Variants in LRPPRC observed in about 807,000 individuals in gnomAD.
LRPPRC encodes the protein leucine-rich PPR motif-containing protein, mitochondrial.
LRPPRC carries 120 observed loss-of-function variants against 180.3 expected under a neutral mutation model. The observed-to-expected ratio is 0.67, with a 90% CI of 0.57 to 0.77. LRPPRC has a LOEUF of 0.77. Ranked by LOEUF, LRPPRC falls within the 30% of genes least tolerant of loss-of-function variation. The pLI is 0.00. For synonymous variants in LRPPRC, 723 were observed against 600.0 expected, an observed-to-expected ratio of 1.21 and a Z score of -3.00; for missense variants, 2,012 against 1,657.2, an observed-to-expected ratio of 1.21 and a Z score of -3.72.
intron 27 of LRPPRC, among the ~76,000 whole-genome samples, chr2:43,918,615 G>C (rs917736691): frequency 6.6e-6 from 1 of 151,688 alleles, no homozygotes; most frequent in African/African-American, 2.4e-5. Flanking sequence ...CTATTAAAAA[G>C]CAATAACAAG....
Position 43,934,733 on chromosome 2 carries a change from A to T in LRPPRC, c.2629+21T>A, listed in dbSNP as rs771095084. The T allele has an allele frequency of 1.2e-5, 19 of 1,611,172 alleles. No individual in the cohort carries two copies. The Admixed American group carries it at 3.2e-4, about 27-fold the overall frequency. On this transcript the variant is annotated intron_variant, in intron 24 of 37. Coordinates refer to ENST00000260665, the MANE Select transcript of LRPPRC (RefSeq NM_133259.4). ...AAGAAGGGAAAAAAAAACTACATTA[A>T]GATACTAGAAAGTGACTCACCTTTC...
At chr2:43,917,176 G>A (rs1489133907) in intron 29 of LRPPRC, among the ~76,000 whole-genome samples, 2 of 150,938 alleles carry the variant, frequency 1.3e-5, no homozygotes, top group African/African-American at 2.4e-5. Flanking sequence ...GAGTAGCTGC[G>A]ATGACAGGCA....
chr2:43,995,425 C>A (rs1168811814), intron 1 of LRPPRC, among the ~76,000 whole-genome samples: 1 of 152,180 alleles, frequency 6.6e-6, no homozygotes, highest in Non-Finnish European at 1.5e-5. Context: ...CAACGGTGAC[C>A]GCACGTGGGA....
chr2:43,921,046 C>A (rs1043064474), intron 27 of LRPPRC, among the ~76,000 whole-genome samples: 2 of 152,166 alleles, frequency 1.3e-5, no homozygotes, highest in Non-Finnish European at 2.9e-5. Context: ...AATCCCAGCA[C>A]TTTGGGAAGA....
intron 34 of LRPPRC, 114 bp downstream of exon 34, chr2:43,899,105 G>T (rs1670795978): frequency 5.4e-6 from 4 of 745,448 alleles, no homozygotes; most frequent in Non-Finnish European, 2.4e-6. Flanking sequence ...AAACAAGCTA[G>T]CTGCACACCA....
Position 43,939,513 on chromosome 2 carries a change from A to T in LRPPRC, c.2504+4174T>A, listed in dbSNP as rs1035833282. Among the ~76,000 whole-genome samples the T allele has an allele frequency of 2.5e-4, 38 of 152,204 alleles. 1 individual carries two copies. Among genetic ancestry groups the T allele is most frequent in the African/African-American group, 8.4e-4 (35 of 41,446 alleles). ...TTAAAAAAGAAAAAACAAACAAACA[A>T]AAACCAAACTGAACTCCTTAAAAAC... On this transcript the variant is annotated intron_variant, in intron 23 of 37. Transcript: ENST00000260665.
intron 13 of LRPPRC, among the ~76,000 whole-genome samples, chr2:43,957,886 T>C (rs1673187969): frequency 6.6e-6 from 1 of 152,198 alleles, no homozygotes; most frequent in Non-Finnish European, 1.5e-5. Context: ...TTGGGTTCTG[T>C]TGAACCATTC....
At chr2:43,919,005 G>T (rs1671596859) in intron 27 of LRPPRC, among the ~76,000 whole-genome samples, 1 of 152,052 alleles carries the variant, frequency 6.6e-6, no homozygotes, top group Non-Finnish European at 1.5e-5. Context: ...TACAGGTACT[G>T]GTCCGTGGTC....
At chr2:43,973,538 T>C in intron 11 of LRPPRC, 69 bp downstream of exon 11, 2 of 935,796 alleles carry the variant, frequency 2.1e-6, no homozygotes, top group African/African-American at 3.2e-5. Flanking sequence ...AGAATCCAAT[T>C]AGATGTGCGT....
intron 15 of LRPPRC, 36 bp from the exon 16 acceptor site, chr2:43,949,695 G>A (rs767487658): frequency 7.2e-6 from 10 of 1,380,910 alleles, no homozygotes; most frequent in South Asian, 1.2e-5. Context: ...TGCAGCAAGA[G>A]AAGCAAACAA....
At chr2:43,892,095 A>G (rs1244870748) in intron 36 of LRPPRC, among the ~76,000 whole-genome samples, 1 of 152,270 alleles carries the variant, frequency 6.6e-6, no homozygotes, top group African/African-American at 2.4e-5. Flanking sequence ...AGCCATCTCC[A>G]TGACACGAAA....
intron 36 of LRPPRC, chr2:43,890,451 C>A: frequency 2.5e-6 from 1 of 406,458 alleles, no homozygotes; most frequent in Non-Finnish European, 5.1e-6. Flanking sequence ...CAGTGGCTCA[C>A]GCCTGTAATC....
chr2:43,992,810 G>C (rs1051916330), intron 1 of LRPPRC, among the ~76,000 whole-genome samples: 5 of 152,118 alleles, frequency 3.3e-5, no homozygotes, highest in Admixed American at 6.6e-5. Flanking sequence ...AGAAGAAGGA[G>C]GGGTCCAATT....
intron 3 of LRPPRC, among the ~76,000 whole-genome samples, chr2:43,978,164 G>C (rs990009455): frequency 2.0e-5 from 3 of 152,142 alleles, no homozygotes; most frequent in Non-Finnish European, 4.4e-5. Context: ...CCATCTTACA[G>C]ATAGCTCAGA....
At chr2:43,920,554 C>G (rs1209294740) in intron 27 of LRPPRC, among the ~76,000 whole-genome samples, 1 of 152,118 alleles carries the variant, frequency 6.6e-6, no homozygotes, top group Non-Finnish European at 1.5e-5. Flanking sequence ...ATATAAAAGC[C>G]TTACATTTAC....
At chr2:43,893,195 C>T (rs769512882) in intron 36 of LRPPRC, among the ~76,000 whole-genome samples, 1 of 152,276 alleles carries the variant, frequency 6.6e-6, no homozygotes, top group Non-Finnish European at 1.5e-5. Flanking sequence ...GAGAAGGAAT[C>T]TACTCTTGGT....
At chr2:43,946,357 T>C (rs984302799) in intron 20 of LRPPRC, 114 bp from the exon 21 acceptor site, 60 of 784,930 alleles carry the variant, frequency 7.6e-5, no homozygotes, top group Non-Finnish European at 1.2e-4. Flanking sequence ...TAAAAATAAA[T>C]GGTTTCATGT....
rs755594425 is a variant in LRPPRC at position 43,925,873 on chromosome 2, C to T, written c.2805+20G>A. On this transcript the variant is annotated intron_variant, in intron 26 of 37. Transcript: ENST00000260665. ...TACTCACACTTTTAGGTGATTGAGA[C>T]ATCTGAATCAAATACAAACCTGATT... The T allele has an allele frequency of 4.5e-6, 7 of 1,566,212 alleles. No individual in the cohort carries two copies. In the African/African-American group the frequency reaches 9.5e-5, roughly 21 times the overall value.
chr2:43,918,098 A>C lies in LRPPRC; in HGVS notation c.3075T>G (p.Ser1025=). 6.2e-7 allele frequency: 1 copy of C among 1,613,952 alleles called. No individual in the cohort carries two copies. Among genetic ancestry groups the C allele is most frequent in the East Asian group, 2.2e-5 (1 of 44,856 alleles). The change falls in exon 29 of 38, where the codon TCT becomes TCG. Residue 1025 remains serine (S), a synonymous_variant. Transcript: ENST00000260665. ...CAGGTTCTGTGGTTGAGGCTGACGA[A>C]GAATTCAGGGAATGTTTTTCATCTT... is the stretch of plus-strand genomic sequence containing the variant. ...WYEDEKHSLN[S]SSASTTEPDF...
Sources: gnomAD v4.1 joint callset for allele counts (sites outside exome capture counted in the v4.1 genomes callset) on GRCh38, gnomAD v4.1.1 for gene constraint, MANE v1.5 for transcripts, NCBI Gene and HGNC (gene_info 2026-07-23, HGNC 2026-07-21) for gene names.